Variants in MYO9B observed in about 807,000 individuals in gnomAD.
MYO9B encodes myosin IXB.
Under a neutral mutation model 229.5 loss-of-function variants are expected in MYO9B, and 71 were observed. That is an observed-to-expected ratio of 0.31 (90% CI 0.26 to 0.38). The LOEUF is 0.38. Among genes scored for constraint, MYO9B ranks in the 10% least tolerant of loss-of-function variants. The probability of loss-of-function intolerance (pLI) is 1.00; values close to 1 mark genes in which losing one functional copy is unlikely to be tolerated. For missense variants in MYO9B, 2,255 were observed against 2,920.5 expected (o/e 0.77, Z 5.25); for synonymous variants, 1,185 against 1,235.8 (o/e 0.96, Z 0.86).
chr19:17,211,032 G>A (rs1419535852), intron 38 of MYO9B, among the ~76,000 whole-genome samples, 184 bp downstream of exon 38: 1 of 133,406 alleles, frequency 7.5e-6, no homozygotes, highest in Non-Finnish European at 1.5e-5. Flanking sequence ...TCGCCCAGCT[G>A]GAGTGCAGTG....
intron 1 of MYO9B, among the ~76,000 whole-genome samples, chr19:17,078,687 T>C (rs564552994): frequency 1.3e-5 from 2 of 152,110 alleles, no homozygotes; most frequent in African/African-American, 4.8e-5. Context: ...TCCTCGGAAG[T>C]AGTGGCTGGC....
chr19:17,140,567 C>A (rs2072326340), intron 2 of MYO9B, among the ~76,000 whole-genome samples: 1 of 151,904 alleles, frequency 6.6e-6, no homozygotes, highest in African/African-American at 2.4e-5. Flanking sequence ...CGGCTCACCG[C>A]AACCTCCGCC....
Position 17,101,604 on chromosome 19 carries a change from C to G in MYO9B, c.-58-56C>G. On this transcript the variant is annotated intron_variant, in intron 1 of 39. Transcript: ENST00000682292. This position sits in a 1 kb window ranked among gnomAD's most constrained non-coding sequence, Gnocchi z 4.7. ...CTGCCCAGGAGTGGGACTCCACATGCCCCTTAAACTTCCTCCCACCATTCT... is the reference window on the plus strand; with the variant it reads ...CTGCCCAGGAGTGGGACTCCACATGGCCCTTAAACTTCCTCCCACCATTCT... 2 of 1,413,790 alleles carry G rather than the reference C, an allele frequency of 1.4e-6. No homozygotes were observed. Among genetic ancestry groups the G allele is most frequent in the Non-Finnish European group, 1.9e-6 (2 of 1,077,386 alleles). The allele number at this position is 1,413,790 out of a possible 1,614,324, so 87.6% of individuals were successfully genotyped here. A position where few individuals can be genotyped will look rare whatever the true frequency, so the allele number is the denominator to read the frequency against.
chr19:17,200,308 G>T lies in MYO9B; in HGVS notation c.4254G>T (p.Arg1418Ser). 6.2e-7 allele frequency: 1 copy of T among 1,611,320 alleles called. No homozygotes were observed. The stretch of plus-strand genomic sequence containing the variant: ...TCTCCTGCAGATCCACGTTTAAGAG[G>T]CTTTTTCTGCATAAAACCAAGGATA... ...SQVDSKSTFK[R>S]LFLHKTKDKK... is the part of the protein sequence containing the mutation. The change falls in exon 25 of 40, where the codon AGG (arginine) becomes AGT (serine). Residue 1418 changes from arginine (R) to serine (S), a missense_variant. Arg to Ser is a moderately radical substitution (Grantham distance 110, BLOSUM62 -1). Transcript: ENST00000682292.
At chr19:17,185,864 A>G in intron 17 of MYO9B, 57 bp from the exon 18 acceptor site, 1 of 1,427,102 alleles carries the variant, frequency 7.0e-7, no homozygotes, top group Non-Finnish European at 9.9e-7. Flanking sequence ...GCTCCCACAG[A>G]ACAGCGGCTG....
chr19:17,202,375 G>T, intron 28 of MYO9B, 72 bp downstream of exon 28: 5 of 1,399,900 alleles, frequency 3.6e-6, no homozygotes, highest in African/African-American at 2.9e-5. Context: ...CCTTAGCCAC[G>T]CCCACCCATG....
intron 11 of MYO9B, among the ~76,000 whole-genome samples, chr19:17,170,452 C>T (rs1568283468): frequency 6.6e-6 from 1 of 151,872 alleles, no homozygotes; most frequent in Non-Finnish European, 1.5e-5. Context: ...CAAACCTAGT[C>T]CCTGTCCAGG....
intron 2 of MYO9B, among the ~76,000 whole-genome samples, chr19:17,140,591 C>T (rs1200207127): frequency 6.6e-6 from 1 of 151,812 alleles, no homozygotes; most frequent in Non-Finnish European, 1.5e-5. Flanking sequence ...CGGGTTCAAG[C>T]GCTTCTCCTG....
intron 19 of MYO9B, among the ~76,000 whole-genome samples, chr19:17,190,470 T>C (rs1454670780): frequency 2.1e-5 from 3 of 145,846 alleles, no homozygotes; most frequent in Non-Finnish European, 3.0e-5. Flanking sequence ...CCTACAAAAA[T>C]ATTTTTTTAA....
At chr19:17,181,337 G>A (rs538619271) in intron 15 of MYO9B, among the ~76,000 whole-genome samples, 5 of 152,318 alleles carry the variant, frequency 3.3e-5, no homozygotes, top group East Asian at 1.9e-4. Flanking sequence ...TCTCCTCCCC[G>A]TGCCTATCTG....
chr19:17,199,549 A>G (rs763508060), intron 24 of MYO9B, among the ~76,000 whole-genome samples: 12 of 151,520 alleles, frequency 7.9e-5, no homozygotes, highest in Non-Finnish European at 1.6e-4. Context: ...TCTGTTGCCC[A>G]GTCTGGCAGT....
At chr19:17,189,938 G>A (rs1445573183) in intron 19 of MYO9B, among the ~76,000 whole-genome samples, 2 of 151,666 alleles carry the variant, frequency 1.3e-5, no homozygotes, top group Non-Finnish European at 2.9e-5. Context: ...GGTGGCGGGT[G>A]CCTGTAGTCC....
chr19:17,200,739 C>T lies in MYO9B; in HGVS notation c.4473C>T (p.Ile1491=). The change falls in exon 26 of 40, where the codon ATC becomes ATT. Residue 1491 remains isoleucine, a synonymous_variant. Coordinates refer to ENST00000682292, the MANE Select transcript of MYO9B (RefSeq NM_004145.4). ...KKNRNVKIGK[I]TVSEKWRESV... ...ACCGAAATGTCAAGATTGGGAAGAT[C>T]ACAGTGTCAGAGAAGTGGCGGGAAT... 6.2e-7 allele frequency: 1 copy of T among 1,614,050 alleles called. No individual in the cohort carries two copies. The highest frequency in any genetic ancestry group is 8.5e-7 in the Non-Finnish European group (1 of 1,179,900).
chr19:17,199,939 A>G (rs1392434423), intron 24 of MYO9B, among the ~76,000 whole-genome samples: 1 of 149,436 alleles, frequency 6.7e-6, no homozygotes, highest in Non-Finnish European at 1.5e-5. Flanking sequence ...ATCTCAGCTC[A>G]CTGCAACCTG....
At chr19:17,096,394 C>T (rs1227961004) in intron 1 of MYO9B, among the ~76,000 whole-genome samples, 3 of 152,032 alleles carry the variant, frequency 2.0e-5, no homozygotes, top group Non-Finnish European at 4.4e-5. Flanking sequence ...GGGCCAGGCA[C>T]AGTGGCTCAT....
At chr19:17,124,343 T>G (rs1370003328) in intron 2 of MYO9B, among the ~76,000 whole-genome samples, 1 of 151,922 alleles carries the variant, frequency 6.6e-6, no homozygotes, top group Non-Finnish European at 1.5e-5. Context: ...TAAAAATCAT[T>G]CCTATGTCAG....
At chr19:17,205,169 A>AGGC (rs35846436) in intron 30 of MYO9B, 94 bp from the exon 31 acceptor site, 2 of 865,038 alleles carry the variant, frequency 2.3e-6, no homozygotes, top group Admixed American at 2.4e-5. Context: ...AAAAAAAAGA[A>AGGC]GGCAATTGGC....
chr19:17,161,870 C>T (rs921378069), intron 8 of MYO9B, among the ~76,000 whole-genome samples: 4 of 151,874 alleles, frequency 2.6e-5, no homozygotes, highest in Non-Finnish European at 4.4e-5. Flanking sequence ...GCGCCATAGC[C>T]CCAGCTACAC....
chr19:17,117,510 G>A (rs2057916504), intron 2 of MYO9B, among the ~76,000 whole-genome samples: 2 of 152,172 alleles, frequency 1.3e-5, no homozygotes, highest in Non-Finnish European at 2.9e-5. Context: ...AAGAAAGAAA[G>A]GGATGACTTA....
Sources: gnomAD v4.1 joint callset for allele counts (sites outside exome capture counted in the v4.1 genomes callset) on GRCh38, gnomAD v4.1.1 for gene constraint, Gnocchi (gnomAD v3.1) non-coding constraint, MANE v1.5 for transcripts, NCBI Gene and HGNC (gene_info 2026-07-23, HGNC 2026-07-21) for gene names.